ARHGAP32: variants seen among roughly 807,000 people sequenced by gnomAD.
The protein encoded by ARHGAP32 is rho GTPase-activating protein 32.
In ARHGAP32, 51 loss-of-function variants were observed where a neutral mutation model predicts 186.5. The observed-to-expected ratio is 0.27, with a 90% confidence interval of 0.22 to 0.35. The LOEUF is 0.35. Among genes scored for constraint, ARHGAP32 ranks in the 10% least tolerant of loss-of-function variants. The pLI is 1.00. For missense variants in ARHGAP32, 2,186 were observed against 2,623.5 expected, an observed-to-expected ratio of 0.83 and a Z score of 3.64; for synonymous variants, 950 against 964.3, an observed-to-expected ratio of 0.99 and a Z score of 0.27.
chr11:129,187,610 A>G (rs897828554), intron 1 of ARHGAP32, among the ~76,000 whole-genome samples: 2 of 152,192 alleles, frequency 1.3e-5, no homozygotes, highest in African/African-American at 4.8e-5. Context: ...ATCTTCCATG[A>G]TATGATTATT....
intron 9 of ARHGAP32, among the ~76,000 whole-genome samples, chr11:129,063,070 A>G (rs1371875688): frequency 3.7e-5 from 5 of 133,380 alleles, no homozygotes; most frequent in African/African-American, 1.3e-4. Flanking sequence ...AGAAATGCTG[A>G]TATCTATGAT....
intron 5 of ARHGAP32, among the ~76,000 whole-genome samples, chr11:129,101,409 G>T (rs1371335371): frequency 6.6e-6 from 1 of 152,058 alleles, no homozygotes; most frequent in Non-Finnish European, 1.5e-5. Context: ...AAGATCACTG[G>T]GCTACAGGAG....
chr11:129,040,082 G>C (rs902603341), intron 11 of ARHGAP32, among the ~76,000 whole-genome samples: 2 of 151,796 alleles, frequency 1.3e-5, no homozygotes, highest in African/African-American at 2.4e-5. Flanking sequence ...GTAAGCTTTG[G>C]GAGCAGAAGT....
At chr11:129,114,105 T>C (rs775618831) in intron 5 of ARHGAP32, among the ~76,000 whole-genome samples, 1 of 152,114 alleles carries the variant, frequency 6.6e-6, no homozygotes, top group Non-Finnish European at 1.5e-5. Context: ...GTATTTCAAA[T>C]GGTCTCTCTC....
At chr11:129,078,789 G>A (rs1382534674) in intron 6 of ARHGAP32, among the ~76,000 whole-genome samples, 4 of 152,164 alleles carry the variant, frequency 2.6e-5, no homozygotes, top group African/African-American at 7.2e-5. Context: ...CACCGTACCC[G>A]GCCAGAAGGT....
chr11:129,024,233 C>G, intron 11 of ARHGAP32: 2 of 947,452 alleles, frequency 2.1e-6, no homozygotes, highest in South Asian at 4.9e-5. Context: ...CTCACACTTG[C>G]AGAACAGGCT....
chr11:128,984,716 T>TA (rs1164026026), intron 15 of ARHGAP32, among the ~76,000 whole-genome samples: 8 of 152,094 alleles, frequency 5.3e-5, no homozygotes, highest in Non-Finnish European at 5.9e-5. Flanking sequence ...TGGTAAGTAA[T>TA]ATAATATATA....
intron 1 of ARHGAP32, among the ~76,000 whole-genome samples, chr11:129,221,237 G>A (rs534044583): frequency 6.6e-6 from 1 of 152,214 alleles, no homozygotes; most frequent in East Asian, 1.9e-4. Flanking sequence ...CTTATTTTAA[G>A]GAGGCAAAGT....
In ARHGAP32 at chr11:128,986,094, G is replaced by A; in HGVS notation, c.1444-9C>T. ...GCTGCTGAAACTGCATCCTAGAAGA[G>A]TCACAGTACAAAATAAACTAGTGAG... On this transcript the variant is annotated splice_polypyrimidine_tract_variant and intron_variant, in intron 14 of 22. Coordinates refer to ENST00000682385, the MANE Select transcript of ARHGAP32 (RefSeq NM_001378024.1). 6.3e-7 allele frequency: 1 copy of A among 1,597,582 alleles called. No homozygotes were observed. The highest frequency in any genetic ancestry group is 8.5e-7 in the Non-Finnish European group (1 of 1,173,442).
At chr11:129,261,566 A>G (rs2098770333) in intron 1 of ARHGAP32, among the ~76,000 whole-genome samples, 1 of 152,206 alleles carries the variant, frequency 6.6e-6, no homozygotes, top group African/African-American at 2.4e-5. Flanking sequence ...CCTGGCCCCC[A>G]TTTCGACTAG....
intron 2 of ARHGAP32, among the ~76,000 whole-genome samples, chr11:129,141,286 T>C (rs73019125): frequency 1.3e-5 from 2 of 152,136 alleles, no homozygotes; most frequent in Non-Finnish European, 2.9e-5. Flanking sequence ...ACTCTCAGCA[T>C]TGCCATAAAA....
chr11:129,041,377 T>C (rs1407911588), intron 10 of ARHGAP32, among the ~76,000 whole-genome samples: 2 of 152,134 alleles, frequency 1.3e-5, no homozygotes. Flanking sequence ...CCAGTTATGT[T>C]GATACCTCTG....
intron 5 of ARHGAP32, 82 bp from the exon 6 acceptor site, chr11:129,093,789 G>C: frequency 2.2e-6 from 2 of 927,842 alleles, no homozygotes; most frequent in Non-Finnish European, 3.4e-6. Context: ...ATAATACCTG[G>C]AGCATCATCT....
chr11:129,087,298 T>C (rs936193215), intron 6 of ARHGAP32, among the ~76,000 whole-genome samples: 1 of 152,192 alleles, frequency 6.6e-6, no homozygotes, highest in Non-Finnish European at 1.5e-5. Flanking sequence ...GTGCAAATGT[T>C]TATAGCAACT....
At chr11:129,218,985 C>T (rs1226061281) in intron 1 of ARHGAP32, among the ~76,000 whole-genome samples, 2 of 152,112 alleles carry the variant, frequency 1.3e-5, no homozygotes, top group East Asian at 3.9e-4. Flanking sequence ...CCAATGAGAG[C>T]CACGGCCAAC....
At chr11:129,081,449 G>A (rs1041528669) in intron 6 of ARHGAP32, among the ~76,000 whole-genome samples, 1 of 151,864 alleles carries the variant, frequency 6.6e-6, no homozygotes, top group Non-Finnish European at 1.5e-5. Flanking sequence ...ATGCAGGGGT[G>A]GTTTAACATA....
intron 6 of ARHGAP32, 26 bp downstream of exon 6, chr11:129,093,595 A>C: frequency 6.6e-7 from 1 of 1,511,060 alleles, no homozygotes; most frequent in Non-Finnish European, 9.1e-7. Context: ...CTTCATATGA[A>C]ATGGAGAATA....
upstream of ARHGAP32, among the ~76,000 whole-genome samples, chr11:129,279,544 G>A (rs1565488505): frequency 6.9e-6 from 1 of 145,594 alleles, no homozygotes; most frequent in African/African-American, 2.5e-5. Flanking sequence ...GCCGGCGCGT[G>A]CCCCCGCCGG....
At chr11:129,096,765 T>G (rs1413394143) in intron 5 of ARHGAP32, among the ~76,000 whole-genome samples, 1 of 152,260 alleles carries the variant, frequency 6.6e-6, no homozygotes, top group Non-Finnish European at 1.5e-5. Flanking sequence ...CTAAAGTGAC[T>G]GGCAGCAGAC....
Sources: allele counts gnomAD v4.1 joint callset (sites outside exome capture counted in the v4.1 genomes callset), GRCh38; gene constraint gnomAD v4.1.1; transcripts MANE v1.5; gene names NCBI Gene and HGNC (gene_info 2026-07-23, HGNC 2026-07-21).